Variants in EVL observed in about 807,000 individuals in gnomAD.
EVL encodes ena/VASP-like protein.
In EVL, 21 loss-of-function variants were observed where a neutral mutation model predicts 59.6. That is an observed-to-expected ratio of 0.35 (90% CI 0.25 to 0.51). EVL has a LOEUF of 0.51. Ranked by LOEUF, EVL falls within the 20% of genes least tolerant of loss-of-function variation. EVL has a pLI of 0.97. For missense variants in EVL, 462 were observed against 546.6 expected, an observed-to-expected ratio of 0.85 and a Z score of 1.54; for synonymous variants, 198 against 203.5, an observed-to-expected ratio of 0.97 and a Z score of 0.23.
rs77479533 is a variant in EVL, at chr14:100,047,556, T to C, written c.6-37131T>C. On this transcript the variant is annotated intron_variant, in intron 1 of 13. Coordinates refer to the EVL transcript ENST00000402714. ...TTCCTCAGCCAGTTGTCAGATGTTA[T>C]GATTTCTATTTGCCTTATTATCTTA... Among the ~76,000 whole-genome samples the C allele has an allele frequency of 6.4e-4, 97 of 152,338 alleles. 3 individuals are homozygous for C. The East Asian group carries it at 0.018, about 29-fold the overall frequency.
intron 3 of EVL, among the ~76,000 whole-genome samples, chr14:100,098,994 T>C (rs574081753): frequency 6.6e-6 from 1 of 152,048 alleles, no homozygotes; most frequent in South Asian, 2.1e-4. Context: ...CTATCAGAAT[T>C]GAGGTGGGAA....
chr14:100,041,594 C>T (rs1448202495), intron 1 of EVL, among the ~76,000 whole-genome samples: 1 of 152,176 alleles, frequency 6.6e-6, no homozygotes, highest in Admixed American at 6.5e-5. Context: ...CCCCAACACA[C>T]AGTAGGTGCT....
At chr14:100,084,133 C>T (rs2062381369) in intron 1 of EVL, among the ~76,000 whole-genome samples, 1 of 150,544 alleles carries the variant, frequency 6.6e-6, no homozygotes, top group Non-Finnish European at 1.5e-5. Flanking sequence ...CTCACTGCAA[C>T]CTCCATCTCC....
chr14:100,060,819 T>C (rs1444668832), upstream of EVL, among the ~76,000 whole-genome samples: 1 of 151,748 alleles, frequency 6.6e-6, no homozygotes, highest in African/African-American at 2.4e-5. Context: ...CCCATCAAAG[T>C]CACACTGCTG....
chr14:100,116,637 T>A (rs566399368), intron 3 of EVL, among the ~76,000 whole-genome samples: 2 of 152,040 alleles, frequency 1.3e-5, no homozygotes, highest in Non-Finnish European at 2.9e-5. Context: ...GCCACACCGC[T>A]CCCTGCCTAC....
intron 9 of EVL, 192 bp from the exon 10 acceptor site, chr14:100,137,386 T>G: frequency 1.6e-6 from 1 of 613,056 alleles, no homozygotes; most frequent in Non-Finnish European, 2.9e-6. Flanking sequence ...CAGGTCAGGG[T>G]CAACCTGACC....
rs1888212662 is a variant in EVL, at chr14:100,128,396, G to A, written c.488-123G>A. ...TCCTGGATGAAGCAGGCCTGGAGCTGTTTCTCATCCCTTTGGGGAGCAGCC... is the reference window on the plus strand; with the variant it reads ...TCCTGGATGAAGCAGGCCTGGAGCTATTTCTCATCCCTTTGGGGAGCAGCC... On this transcript the variant is annotated intron_variant, in intron 5 of 13. Transcript: ENST00000392920. 3 of 983,364 alleles carry A rather than the reference G, an allele frequency of 3.1e-6. No homozygotes were observed. The East Asian group carries it at 7.1e-5, about 23-fold the overall frequency. 60.9% of individuals were successfully genotyped at this position (983,364 alleles called of 1,614,324 possible). A position where few individuals can be genotyped will look rare whatever the true frequency, so the allele number is the denominator to read the frequency against.
intron 1 of EVL, among the ~76,000 whole-genome samples, chr14:99,993,455 A>T (rs975449609): frequency 6.6e-6 from 1 of 151,870 alleles, no homozygotes; most frequent in Non-Finnish European, 1.5e-5. Context: ...TAGTTTTCTT[A>T]TTTTGTCTTT....
chr14:100,042,602 A>G (rs1274884278), intron 1 of EVL, among the ~76,000 whole-genome samples: 1 of 152,122 alleles, frequency 6.6e-6, no homozygotes, highest in Non-Finnish European at 1.5e-5. Flanking sequence ...AGTAGCATTC[A>G]CTGTGCCCAG....
At chr14:100,117,953 C>T (rs138427106) in intron 3 of EVL, among the ~76,000 whole-genome samples, 359 of 152,340 alleles carry the variant, frequency 2.4e-3, no homozygotes, top group Non-Finnish European at 4.6e-3. Context: ...CAGTCATCCA[C>T]GTACTTAACA....
In EVL at chr14:100,128,619, CACTGGG is replaced by C; in HGVS notation, c.589_594del (p.Thr197_Gly198del). 2 of 1,494,038 alleles carry C rather than the reference CACTGGG, an allele frequency of 1.3e-6. No homozygotes were observed. Among genetic ancestry groups the C allele is most frequent in the South Asian group, 1.2e-5 (1 of 80,278 alleles). The allele number at this position is 1,494,038 out of a possible 1,614,324, so 92.5% of individuals were successfully genotyped here. A position where few individuals can be genotyped will look rare whatever the true frequency, so the allele number is the denominator to read the frequency against. ...CCCCACCCCCAGTCCCACCTCCACC[CACTGGG>C]GCTACCCCACCTCCCCCACCCCCAC... On this transcript the variant is annotated inframe_deletion, in exon 6 of 14. Transcript: ENST00000392920.
intron 11 of EVL, chr14:100,138,105 G>T: frequency 3.9e-6 from 2 of 508,048 alleles, no homozygotes; most frequent in Non-Finnish European, 7.1e-6. Flanking sequence ...GGGCAAGTTA[G>T]GGGACCTCTC....
At position 100,143,717 on chromosome 14, in the gene EVL, G is replaced by A; in HGVS notation, c.1236G>A (p.Leu412=). The change falls in exon 14 of 14, where the codon CTG becomes CTA. Residue 412 remains leucine (L), a synonymous_variant. Transcript: ENST00000392920. The stretch of plus-strand genomic sequence containing the variant: ...GTCCCGCAGCCATCAGGCAGGAGCT[G>A]AGTGGGATCAGCACCACGTAAGGGG... ...EEIIDAIRQE[L]SGISTT 2.5e-6 allele frequency: 4 copies of A among 1,612,432 alleles called. No homozygotes were observed. Among genetic ancestry groups the A allele is most frequent in the Non-Finnish European group, 3.4e-6 (4 of 1,179,924 alleles).
intron 2 of EVL, among the ~76,000 whole-genome samples, chr14:100,096,036 G>T (rs966001336): frequency 6.6e-6 from 1 of 152,032 alleles, no homozygotes; most frequent in Non-Finnish European, 1.5e-5. Flanking sequence ...CTTCAATTAC[G>T]TTTTTTTAGC....
chr14:99,985,778 A>G lies in EVL; in HGVS notation c.5+13721A>G, dbSNP rs941920445. Among the ~76,000 whole-genome samples, 156 of 152,160 alleles carry G rather than the reference A, an allele frequency of 1.0e-3. 2 individuals carry two copies. The highest frequency in any genetic ancestry group is 3.5e-3 in the African/African-American group (144 of 41,526). ...GCGAAGCTCCATCTCAGAAAGAAAAAAAAAAAAAAGTCCCTTGTCTTTTAG... is the reference window on the plus strand; with the variant it reads ...GCGAAGCTCCATCTCAGAAAGAAAAGAAAAAAAAAGTCCCTTGTCTTTTAG... On this transcript the variant is annotated intron_variant, in intron 1 of 13. Coordinates refer to the EVL transcript ENST00000402714.
intron 1 of EVL, among the ~76,000 whole-genome samples, chr14:100,030,450 A>T (rs1595586920): frequency 1.3e-5 from 2 of 152,140 alleles, no homozygotes; most frequent in African/African-American, 4.8e-5. Flanking sequence ...TAATTCTTTT[A>T]ATTTACTGTA....
intron 3 of EVL, among the ~76,000 whole-genome samples, chr14:100,113,176 G>T (rs1304000580): frequency 1.3e-5 from 2 of 152,104 alleles, no homozygotes. Context: ...ATAGGCAACG[G>T]CACAGAGGCA....
intron 1 of EVL, among the ~76,000 whole-genome samples, chr14:100,042,021 C>A (rs968998279): frequency 2.0e-5 from 3 of 151,854 alleles, no homozygotes; most frequent in Non-Finnish European, 4.4e-5. Context: ...TATTTAATAA[C>A]CATATGAACT....
At chr14:100,085,046 G>A in intron 2 of EVL, 191 bp downstream of exon 2, 1 of 556,094 alleles carries the variant, frequency 1.8e-6, no homozygotes, top group Non-Finnish European at 3.1e-6. Context: ...ACTGTTTCCT[G>A]GATTTCACTT....
Sources: gnomAD v4.1 joint callset for allele counts (sites outside exome capture counted in the v4.1 genomes callset) on GRCh38, gnomAD v4.1.1 for gene constraint, MANE v1.5 for transcripts, NCBI Gene and HGNC (gene_info 2026-07-23, HGNC 2026-07-21) for gene names.